Variants in THOC2 observed in about 807,000 individuals in gnomAD.
The protein encoded by THOC2 is THO complex 2.
Under a neutral mutation model 128.4 loss-of-function variants are expected in THOC2, and 10 were observed. The ratio of observed to expected loss-of-function variants is 0.08; its 90% CI spans 0.05 to 0.13. The LOEUF (loss-of-function observed/expected upper bound fraction) is 0.13. THOC2 is among the 10% of genes least tolerant of loss of function. The pLI, the probability that THOC2 is intolerant of heterozygous loss-of-function variation, is 1.00. For missense variants in THOC2, 535 were observed against 1,155.7 expected (o/e 0.46, Z 7.79); for synonymous variants, 393 against 396.9 (o/e 0.99, Z 0.12).
intron 12 of THOC2, among the ~76,000 whole-genome samples, chrX:123,661,337 G>A (rs765417453): frequency 2.3e-4 from 25 of 111,035 alleles, no homozygotes; most frequent in East Asian, 8.5e-4. Flanking sequence ...CCCAGGAGGC[G>A]GAGGTTGCAG....
In THOC2 at chrX:123,638,070, C is replaced by G; in HGVS notation, c.1894G>C (p.Asp632His). The part of the protein sequence containing the change: ...NPEKERMKHD[D>H]TTISSWLQSL... The stretch of plus-strand genomic sequence containing the variant: ...TGAAGCCAGCTTGAGATGGTTGTGT[C>G]ATCATGTTTCATTCTTTCCTTTTCT... The change falls in exon 18 of 39, where the codon GAC becomes CAC. Residue 632 changes from aspartate to histidine, a missense_variant. Asp to His is a moderately conservative substitution (Grantham distance 81). Coordinates refer to ENST00000245838, the MANE Select transcript of THOC2 (RefSeq NM_001081550.2). 8.3e-7 allele frequency: 1 copy of G among 1,200,266 alleles called. No homozygotes were observed.
At chrX:123,712,932 A>C in intron 1 of THOC2, 24 bp from the exon 2 acceptor site, 3 of 1,041,069 alleles carry the variant, frequency 2.9e-6, no homozygotes, top group Non-Finnish European at 3.9e-6. Context: ...GAAAACATGT[A>C]TTTCAATTTC....
At chrX:123,639,803 A>T (rs1026983578) in intron 16 of THOC2, among the ~76,000 whole-genome samples, 4 of 111,897 alleles carry the variant, frequency 3.6e-5, no homozygotes, top group African/African-American at 1.3e-4. Context: ...CTTGCATCTT[A>T]AAAAAATTAA....
chrX:123,645,949 C>CAA (rs34625161), intron 12 of THOC2, among the ~76,000 whole-genome samples: 126 of 90,998 alleles, frequency 1.4e-3, no homozygotes, highest in Middle Eastern at 5.6e-3. Flanking sequence ...ACAACAAGAG[C>CAA]AAAAAAAAAA....
intron 7 of THOC2, among the ~76,000 whole-genome samples, chrX:123,693,576 G>T (rs1287000729): frequency 9.0e-6 from 1 of 110,674 alleles, no homozygotes; most frequent in Non-Finnish European, 1.9e-5. Context: ...CTCCATATCA[G>T]GAAAAAAATG....
intron 21 of THOC2, among the ~76,000 whole-genome samples, chrX:123,632,489 C>CAAAAAAAA (rs11324625): frequency 5.7e-5 from 2 of 35,147 alleles, no homozygotes; most frequent in Non-Finnish European, 1.0e-4. Flanking sequence ...GGCTTTGTCT[C>CAAAAAAAA]AAAAAAAAAA....
chrX:123,675,470 G>A (rs981296295), intron 8 of THOC2, among the ~76,000 whole-genome samples: 1 of 110,202 alleles, frequency 9.1e-6, no homozygotes, highest in Non-Finnish European at 1.9e-5. Flanking sequence ...GTGAAACCCT[G>A]TCTTTACTAT....
chrX:123,626,684 A>G (rs765050021), intron 23 of THOC2, 22 bp from the exon 24 acceptor site: 5 of 1,165,719 alleles, frequency 4.3e-6, no homozygotes, highest in Non-Finnish European at 5.7e-6. Flanking sequence ...TCAATTAGAC[A>G]CTTTTCTAAC....
rs187399541 is a variant in THOC2 at position 123,665,919 on chromosome X, T to G, written c.1191-82A>C. 2.2e-4 allele frequency: 121 copies of G among 547,801 alleles called. 2 individuals are homozygous for G. In the African/African-American group the frequency reaches 2.7e-3, roughly 12 times the overall value. The allele number at this position is 547,801 out of a possible 1,213,427, so 45.1% of individuals were successfully genotyped here. ...AACTATATACACACACACTACAATA[T>G]CTACCATTTTAACAAAGTTATCTTA... On this transcript the variant is annotated intron_variant, in intron 11 of 38. Transcript: ENST00000245838.
chrX:123,722,002 T>C (rs1358687335), intron 1 of THOC2, among the ~76,000 whole-genome samples: 1 of 111,738 alleles, frequency 8.9e-6, no homozygotes, highest in Non-Finnish European at 1.9e-5. Flanking sequence ...CAAACTATGG[T>C]TTTTAAGACA....
intron 2 of THOC2, among the ~76,000 whole-genome samples, chrX:123,710,247 A>G (rs1405847029): frequency 8.9e-6 from 1 of 111,969 alleles, no homozygotes; most frequent in Non-Finnish European, 1.9e-5. Flanking sequence ...CACACTCATA[A>G]CTATTTCTGG....
chrX:123,634,016 A>T lies in THOC2; in HGVS notation c.2073T>A (p.Ile691=). The T allele has an allele frequency of 8.3e-7, 1 of 1,207,695 alleles. No homozygotes were observed. Among genetic ancestry groups the T allele is most frequent in the East Asian group, 3.0e-5 (1 of 33,752 alleles). ...EVVQKMAGIE[I]TEEMTMEQLE... is the part of the protein sequence containing the mutation. ...GTTGCTCCATTGTCATTTCCTCTGT[A>T]ATTTCTATTCCTGCCATTTTTTGTA... The change falls in exon 20 of 39, where the codon ATT becomes ATA. Residue 691 remains isoleucine (I), a synonymous_variant. Transcript: ENST00000245838.
chrX:123,626,956 T>G (rs2047291325), intron 23 of THOC2, among the ~76,000 whole-genome samples: 1 of 111,715 alleles, frequency 9.0e-6, no homozygotes, highest in African/African-American at 3.3e-5. Context: ...ACAAGCCTTG[T>G]ACACTGCCAC....
chrX:123,677,493 T>G (rs2049550359), intron 8 of THOC2, among the ~76,000 whole-genome samples: 1 of 112,255 alleles, frequency 8.9e-6, no homozygotes, highest in African/African-American at 3.2e-5. Context: ...TTTGTAATAA[T>G]GCTTAGCTTA....
At chrX:123,646,980 G>A (rs1377755623) in intron 12 of THOC2, among the ~76,000 whole-genome samples, 3 of 111,367 alleles carry the variant, frequency 2.7e-5, no homozygotes, top group Non-Finnish European at 5.7e-5. Flanking sequence ...CTAATAAAGC[G>A]ACACACAGTT....
chrX:123,638,755 C>G (rs1012106014), intron 17 of THOC2, among the ~76,000 whole-genome samples, 179 bp downstream of exon 17: 1 of 104,037 alleles, frequency 9.6e-6, no homozygotes, highest in African/African-American at 3.7e-5. Flanking sequence ...CACACACTCT[C>G]TCTCTCTCTC....
intron 8 of THOC2, among the ~76,000 whole-genome samples, chrX:123,672,990 C>T (rs1327278518): frequency 8.9e-6 from 1 of 112,443 alleles, no homozygotes; most frequent in Non-Finnish European, 1.9e-5. Context: ...TTGTTTCACT[C>T]TATTTTTTAA....
chrX:123,656,330 T>TTAA (rs2048575543), intron 12 of THOC2, among the ~76,000 whole-genome samples: 1 of 37,961 alleles, frequency 2.6e-5, no homozygotes, highest in African/African-American at 1.0e-4. Context: ...AGACTCCGTC[T>TTAA]AAAAAAAAAA....
At chrX:123,727,757 C>T (rs764713727) in intron 1 of THOC2, among the ~76,000 whole-genome samples, 14 of 111,983 alleles carry the variant, frequency 1.3e-4, no homozygotes, top group Non-Finnish European at 2.1e-4. Flanking sequence ...CATGCCACCA[C>T]GCCAGGCATT....
Sources: allele counts gnomAD v4.1 joint callset (sites outside exome capture counted in the v4.1 genomes callset), GRCh38; gene constraint gnomAD v4.1.1; transcripts MANE v1.5; gene names NCBI Gene and HGNC (gene_info 2026-07-23, HGNC 2026-07-21).